MAP2K1: variants seen among roughly 807,000 people sequenced by gnomAD.
MAP2K1 encodes dual specificity mitogen-activated protein kinase kinase 1.
MAP2K1 carries 16 observed loss-of-function variants against 46.3 expected under a neutral mutation model. The observed-to-expected ratio is 0.35, with a 90% confidence interval of 0.23 to 0.52. MAP2K1 has a LOEUF of 0.52. MAP2K1 is among the 20% of genes least tolerant of loss of function. The probability of loss-of-function intolerance (pLI) is 0.94; values close to 1 mark genes in which losing one functional copy is unlikely to be tolerated. For missense variants in MAP2K1, 263 were observed against 497.1 expected (o/e 0.53, Z 4.48); for synonymous variants, 183 against 185.6 (o/e 0.99, Z 0.11).
chr15:66,431,424 A>G (rs917916588), intron 1 of MAP2K1, among the ~76,000 whole-genome samples: 3 of 152,188 alleles, frequency 2.0e-5, no homozygotes, highest in Non-Finnish European at 2.9e-5. Flanking sequence ...TCACCTTCAG[A>G]TAAAATGTTT....
intron 5 of MAP2K1, among the ~76,000 whole-genome samples, chr15:66,470,322 G>A (rs1481791125): frequency 6.6e-6 from 1 of 152,000 alleles, no homozygotes; most frequent in Non-Finnish European, 1.5e-5. Context: ...AAGACCAGCT[G>A]GTTGTTAATC....
intron 1 of MAP2K1, among the ~76,000 whole-genome samples, chr15:66,390,546 C>T (rs1406338181): frequency 3.9e-5 from 6 of 152,076 alleles, no homozygotes; most frequent in African/African-American, 1.2e-4. Flanking sequence ...TTGGGTAATA[C>T]GGGACCTGAA....
intron 5 of MAP2K1, among the ~76,000 whole-genome samples, chr15:66,449,003 CAAAAAAAAAA>C (rs59398424): frequency 2.1e-5 from 1 of 47,950 alleles, no homozygotes; most frequent in African/African-American, 8.8e-5. Context: ...GACACTGTCT[CAAAAAAAAAA>C]AAAAAAAAAA....
chr15:66,490,534 G>T lies in MAP2K1; in HGVS notation c.1101G>T (p.Glu367Asp), dbSNP rs770847542. 1.2e-6 allele frequency: 2 copies of T among 1,614,122 alleles called. No individual in the cohort carries two copies. Among genetic ancestry groups the T allele is most frequent in the South Asian group, 2.2e-5 (2 of 91,082 alleles). ...VHAFIKRSDA[E>D]EVDFAGWLCS... is the part of the protein sequence containing the mutation. Reference sequence around the variant, plus strand: ...CTTTTATCAAGAGATCTGATGCTGAGGAAGTGGATTTTGCAGGTTGGCTCT... The same window carrying T: ...CTTTTATCAAGAGATCTGATGCTGATGAAGTGGATTTTGCAGGTTGGCTCT... The change falls in exon 11 of 11, where the codon GAG (glutamate) becomes GAT (aspartate). Residue 367 changes from glutamate (E) to aspartate (D), a missense_variant. Physicochemically the swap from Glu to Asp is conservative, Grantham distance 45 (BLOSUM62 2). This residue lies in a region of MAP2K1 where 118 missense variants were observed against 193.0 expected (regional missense o/e 0.61). Transcript: ENST00000307102.
Position 66,490,815 on chromosome 15 carries a change from A to G in MAP2K1, c.*200A>G. On this transcript the variant is annotated 3_prime_UTR_variant, in exon 11 of 11. Transcript: ENST00000307102. ...TTCTTATTACTATTATTGTTCCCCT[A>G]AGTGGATTGGCTTTGTGCTTGGGGC... 3.1e-6 allele frequency: 2 copies of G among 655,522 alleles called. No individual in the cohort carries two copies. The allele number at this position is 655,522 out of a possible 1,614,324, so 40.6% of individuals were successfully genotyped here. A position where few individuals can be genotyped will look rare whatever the true frequency, so the allele number is the denominator to read the frequency against.
chr15:66,434,548 A>G (rs1163591827), intron 1 of MAP2K1, among the ~76,000 whole-genome samples: 1 of 152,140 alleles, frequency 6.6e-6, no homozygotes, highest in Non-Finnish European at 1.5e-5. Flanking sequence ...TGGTTCCTGG[A>G]CCTGATTACA....
intron 1 of MAP2K1, among the ~76,000 whole-genome samples, chr15:66,396,570 C>A (rs1324853620): frequency 2.6e-5 from 4 of 151,586 alleles, no homozygotes; most frequent in African/African-American, 9.7e-5. Flanking sequence ...GTATCTGCCC[C>A]GGATGGTACC....
At chr15:66,406,766 C>T (rs1281743634) in intron 1 of MAP2K1, among the ~76,000 whole-genome samples, 1 of 152,130 alleles carries the variant, frequency 6.6e-6, no homozygotes, top group Admixed American at 6.5e-5. Flanking sequence ...TGCGGTGGCT[C>T]ACACCTGTAA....
In MAP2K1 at chr15:66,485,171, C is replaced by G. The variant is rs397516794; in HGVS notation, c.875C>G (p.Thr292Ser). 3 of 1,613,666 alleles carry G rather than the reference C, an allele frequency of 1.9e-6. No homozygotes were observed. Among genetic ancestry groups the G allele is most frequent in the African/African-American group, 2.7e-5 (2 of 74,922 alleles). The change falls in exon 7 of 11, where the codon ACC (threonine) becomes AGC (serine). Residue 292 changes from threonine to serine, a missense_variant. Thr to Ser is a moderately conservative substitution (Grantham distance 58, BLOSUM62 1). Around this residue, in one of 4 missense-constraint regions of MAP2K1, gnomAD observed 118 missense variants for 193.0 expected, o/e 0.61. Coordinates refer to ENST00000307102, the MANE Select transcript of MAP2K1 (RefSeq NM_002755.4). ...GCTGAGACCCCACCCAGGCCAAGGA[C>G]CCCCGGGAGGCCCCTTAGCTGTGAG... is the stretch of plus-strand genomic sequence containing the variant. ...DAAETPPRPR[T>S]PGRPLSSYGM...
intron 1 of MAP2K1, among the ~76,000 whole-genome samples, chr15:66,397,330 G>A (rs536031189): frequency 3.3e-5 from 5 of 152,042 alleles, no homozygotes; most frequent in Admixed American, 6.6e-5. Context: ...GTGTGACCTC[G>A]GTCATATCAC....
At chr15:66,387,768 C>T (rs1247855159) in intron 1 of MAP2K1, among the ~76,000 whole-genome samples, 2 of 152,228 alleles carry the variant, frequency 1.3e-5, no homozygotes, top group African/African-American at 4.8e-5. Flanking sequence ...ATCTGGGAGT[C>T]TGGCCTGTAA....
intron 1 of MAP2K1, among the ~76,000 whole-genome samples, chr15:66,427,605 C>T (rs1173538888): frequency 2.0e-5 from 3 of 152,010 alleles, no homozygotes; most frequent in Non-Finnish European, 2.9e-5. Context: ...TTATTGAGCA[C>T]CTACTGTGAG....
At chr15:66,395,419 GT>G (rs746618748) in intron 1 of MAP2K1, among the ~76,000 whole-genome samples, 2 of 151,920 alleles carry the variant, frequency 1.3e-5, no homozygotes, top group Non-Finnish European at 2.9e-5. Context: ...ATTTTCCTCT[GT>G]TTTTCCGTTC....
intron 1 of MAP2K1, among the ~76,000 whole-genome samples, chr15:66,405,207 G>A (rs2093393440): frequency 6.6e-6 from 1 of 152,144 alleles, no homozygotes; most frequent in Non-Finnish European, 1.5e-5. Context: ...TTAGACTCAG[G>A]TCTGTCCTAC....
At chr15:66,420,725 G>A (rs201893857) in intron 1 of MAP2K1, among the ~76,000 whole-genome samples, 29,128 of 37,372 alleles carry the variant, frequency 0.78, 11,737 homozygotes, top group East Asian at 0.91. Flanking sequence ...ATATATATGT[G>A]TGTGTGTGTG....
At chr15:66,470,091 C>CTTTTTTTTTTTTTTTTTT (rs1567021186) in intron 5 of MAP2K1, among the ~76,000 whole-genome samples, 1 of 55,740 alleles carries the variant, frequency 1.8e-5, no homozygotes, top group Non-Finnish European at 3.5e-5. Context: ...ACTTTTTTTT[C>CTTTTTTTTTTTTTTTTTT]TTGTTTTTTT....
In MAP2K1 at chr15:66,387,395, C is replaced by A. The variant is rs1330053912; in HGVS notation, c.48C>A (p.Asp16Glu). 1 of 1,565,526 alleles carries A rather than the reference C, an allele frequency of 6.4e-7. No homozygotes were observed. The highest frequency in any genetic ancestry group is 2.4e-5 in the East Asian group (1 of 42,422). ...PTPIQLNPAP[D>E]GSAVNGTSSA... ...CCATCCAGCTGAACCCGGCCCCCGA[C>A]GGCTCTGCAGTTAACGGGACCAGCT... The change falls in exon 1 of 11, where the codon GAC becomes GAA. Residue 16 changes from aspartate to glutamate, a missense_variant. By Grantham distance (45) the Asp-to-Glu change is conservative. Transcript: ENST00000307102.
intron 2 of MAP2K1, among the ~76,000 whole-genome samples, chr15:66,436,393 C>A (rs1303159378): frequency 3.3e-5 from 5 of 152,212 alleles, no homozygotes; most frequent in African/African-American, 1.2e-4. Flanking sequence ...GTTAGCATAC[C>A]TGAGTTCCTC....
At chr15:66,454,463 A>G (rs1892113255) in intron 5 of MAP2K1, among the ~76,000 whole-genome samples, 1 of 152,266 alleles carries the variant, frequency 6.6e-6, no homozygotes, top group African/African-American at 2.4e-5. Flanking sequence ...AGCACTTAGA[A>G]TAGTACTTAA....
Sources: allele counts gnomAD v4.1 joint callset (sites outside exome capture counted in the v4.1 genomes callset), GRCh38; gene constraint gnomAD v4.1.1; regional missense constraint gnomAD v4.1.1; transcripts MANE v1.5; gene names NCBI Gene and HGNC (gene_info 2026-07-23, HGNC 2026-07-21).